Variants in MPP4 observed in about 807,000 individuals in gnomAD.
MPP4 encodes MAGUK p55 scaffold protein 4, also known as MAGUK p55 subfamily member 4.
Under a neutral mutation model 98.3 loss-of-function variants are expected in MPP4, and 91 were observed. The observed-to-expected ratio is 0.93, with a 90% CI of 0.78 to 1.10. The LOEUF (loss-of-function observed/expected upper bound fraction) is 1.10. Ranked by LOEUF, MPP4 falls within the 50% of genes least tolerant of loss-of-function variation. The probability of loss-of-function intolerance (pLI) is 0.00; values close to 1 mark genes in which losing one functional copy is unlikely to be tolerated. For missense variants in MPP4, 744 were observed against 792.9 expected (o/e 0.94, Z 0.74); for synonymous variants, 261 against 271.8 (o/e 0.96, Z 0.39).
chr2:201,674,224 GC>G (rs1165851164), intron 11 of MPP4, among the ~76,000 whole-genome samples: 2 of 152,210 alleles, frequency 1.3e-5, no homozygotes, highest in African/African-American at 2.4e-5. Flanking sequence ...AGCCTTGCTT[GC>G]CAGTCAGGTA....
intron 10 of MPP4, among the ~76,000 whole-genome samples, chr2:201,675,956 C>T (rs1187314591): frequency 6.6e-6 from 1 of 152,192 alleles, no homozygotes; most frequent in East Asian, 1.9e-4. Flanking sequence ...ATCACCTTTA[C>T]CTGGGAGCTT....
intron 16 of MPP4, among the ~76,000 whole-genome samples, chr2:201,657,591 T>TTTTTTTG (rs1559005085): frequency 9.4e-6 from 1 of 106,074 alleles, no homozygotes; most frequent in African/African-American, 4.2e-5. Flanking sequence ...CTGGCCCTTG[T>TTTTTTTG]TTTTTTTTTG....
chr2:201,693,666 G>T (rs1689101311), intron 2 of MPP4, among the ~76,000 whole-genome samples: 2 of 152,170 alleles, frequency 1.3e-5, no homozygotes, highest in African/African-American at 2.4e-5. Flanking sequence ...GGGAAAAAAA[G>T]GTTTTGAATC....
chr2:201,679,528 G>T (rs1688610808), intron 10 of MPP4, among the ~76,000 whole-genome samples: 1 of 152,092 alleles, frequency 6.6e-6, no homozygotes, highest in African/African-American at 2.4e-5. Context: ...TCCACCCTCA[G>T]CTGTGCCCCA....
At chr2:201,658,626 G>T in intron 15 of MPP4, 108 bp from the exon 16 acceptor site, 1 of 868,168 alleles carries the variant, frequency 1.2e-6, no homozygotes, top group Non-Finnish European at 1.8e-6. Context: ...TTAGTAGACG[G>T]CAGCAGAGTT....
intron 7 of MPP4, 46 bp downstream of exon 7, chr2:201,685,018 T>C (rs1304146923): frequency 4.6e-6 from 7 of 1,510,916 alleles, no homozygotes; most frequent in Non-Finnish European, 6.4e-6. Context: ...CAGTCAAGGG[T>C]TTCCTGTTTT....
intron 18 of MPP4, chr2:201,652,077 G>C: frequency 2.2e-6 from 2 of 895,734 alleles, no homozygotes; most frequent in Non-Finnish European, 1.3e-6. Flanking sequence ...AGAAAGCACA[G>C]CCTATAGCAT....
intron 14 of MPP4, among the ~76,000 whole-genome samples, chr2:201,663,343 A>G (rs533598323): frequency 6.6e-6 from 1 of 152,362 alleles, no homozygotes; most frequent in East Asian, 1.9e-4. Context: ...AAAAGTTCCA[A>G]AATGCTACAT....
chr2:201,682,830 C>T lies in MPP4; in HGVS notation c.660+1G>A. The stretch of plus-strand genomic sequence containing the variant: ...AACAAAAAGGCAAAAAGAAGATTTA[C>T]CAGAATATGGATCACTTGTTCAGGG... On this transcript the variant is annotated splice_donor_variant, in intron 8 of 21. Transcript: ENST00000409474. LOFTEE classifies it high-confidence loss of function. The T allele has an allele frequency of 6.2e-7, 1 of 1,613,544 alleles. No homozygotes were observed.
chr2:201,691,726 C>T (rs1272884821), intron 3 of MPP4, among the ~76,000 whole-genome samples: 2 of 152,094 alleles, frequency 1.3e-5, no homozygotes, highest in African/African-American at 4.8e-5. Flanking sequence ...GCCATGTTGG[C>T]CAGGCTGGTC....
chr2:201,684,732 C>G (rs141340542), intron 7 of MPP4, among the ~76,000 whole-genome samples: 1 of 152,132 alleles, frequency 6.6e-6, no homozygotes, highest in East Asian at 1.9e-4. Flanking sequence ...GGGCGGATCA[C>G]GAGGTCGGGA....
chr2:201,648,299 G>A (rs116490188), intron 20 of MPP4, among the ~76,000 whole-genome samples: 1,617 of 152,264 alleles, frequency 0.011, 29 homozygotes, highest in African/African-American at 0.036. Flanking sequence ...TTATAGGCAT[G>A]AGCCACTGCA....
At position 201,687,606 on chromosome 2, in the gene MPP4, A is replaced by T. The variant is rs370151636; in HGVS notation, c.280-235T>A. Reference sequence around the variant, plus strand: ...AATTCAAGAGTTGAGATGGATCTAAACCCAATGCCCAATCCTGGCACATAG... The same window carrying T: ...AATTCAAGAGTTGAGATGGATCTAATCCCAATGCCCAATCCTGGCACATAG... On this transcript the variant is annotated intron_variant, in intron 4 of 21. Coordinates refer to ENST00000409474, the MANE Select transcript of MPP4 (RefSeq NM_033066.3). Among the ~76,000 whole-genome samples the T allele has an allele frequency of 2.0e-5, 3 of 152,242 alleles. No homozygotes were observed. In the East Asian group the frequency reaches 5.8e-4, roughly 29 times the overall value.
At chr2:201,690,318 TA>T in intron 3 of MPP4, 39 bp from the exon 4 acceptor site, 2 of 1,367,818 alleles carry the variant, frequency 1.5e-6, no homozygotes, top group South Asian at 2.5e-5. Flanking sequence ...ATATTGATAA[TA>T]TGACTATTGC....
intron 7 of MPP4, 137 bp from the exon 8 acceptor site, chr2:201,683,053 G>T: frequency 7.1e-6 from 4 of 562,808 alleles, no homozygotes; most frequent in South Asian, 2.8e-5. Context: ...TAATAGAAAA[G>T]AAAGCTGGTT....
At chr2:201,664,301 G>A (rs1217594232) in intron 13 of MPP4, 200 bp from the exon 14 acceptor site, 3 of 1,459,372 alleles carry the variant, frequency 2.1e-6, no homozygotes, top group Admixed American at 4.2e-5. Flanking sequence ...GTATTCGGCA[G>A]TTGAGCCATG....
chr2:201,654,763 G>T, intron 18 of MPP4, 74 bp downstream of exon 18: 1 of 979,848 alleles, frequency 1.0e-6, no homozygotes. Context: ...AAGATGGAAT[G>T]ACATAGTTAA....
chr2:201,654,478 G>T (rs191350861), intron 18 of MPP4, among the ~76,000 whole-genome samples: 1 of 152,272 alleles, frequency 6.6e-6, no homozygotes, highest in South Asian at 2.1e-4. Flanking sequence ...TGTGGGGTAG[G>T]GGGAGTGGGG....
chr2:201,698,487 A>C, intron 1 of MPP4, 100 bp downstream of exon 1: 3 of 854,078 alleles, frequency 3.5e-6, no homozygotes, highest in Non-Finnish European at 5.0e-6. Flanking sequence ...GAGTTAGATT[A>C]CCCAGATTTA....
Sources: allele counts gnomAD v4.1 joint callset (sites outside exome capture counted in the v4.1 genomes callset), GRCh38; gene constraint gnomAD v4.1.1; transcripts MANE v1.5; gene names NCBI Gene and HGNC (gene_info 2026-07-23, HGNC 2026-07-21).